Variants in CNPY1 observed in about 807,000 individuals in gnomAD.
CNPY1 encodes protein canopy homolog 1.
CNPY1 carries 14 observed loss-of-function variants against 14.4 expected under a neutral mutation model. That is an observed-to-expected ratio of 0.97 (90% CI 0.64 to 1.52). The LOEUF (loss-of-function observed/expected upper bound fraction) is 1.52. Ranked by LOEUF, CNPY1 falls within the 40% of genes most tolerant of loss-of-function variation. The pLI, the probability that CNPY1 is intolerant of heterozygous loss-of-function variation, is 0.00. For synonymous variants in CNPY1, 43 were observed against 46.5 expected (o/e 0.92, Z 0.31); for missense variants, 129 against 131.5 (o/e 0.98, Z 0.09).
intron 2 of CNPY1, among the ~76,000 whole-genome samples, chr7:155,515,651 G>C (rs569206634): frequency 6.6e-6 from 1 of 152,078 alleles, no homozygotes; most frequent in Non-Finnish European, 1.5e-5. Flanking sequence ...GGGATTTCTC[G>C]GAGGTGCATC....
At chr7:155,515,307 C>T (rs1476342377) in intron 2 of CNPY1, among the ~76,000 whole-genome samples, 1 of 125,162 alleles carries the variant, frequency 8.0e-6, no homozygotes, top group Non-Finnish European at 1.7e-5. Context: ...CCCCCCCCCC[C>T]CGGCCCCGGC....
At chr7:155,545,572 G>T (rs949720459) in intron 2 of CNPY1, among the ~76,000 whole-genome samples, 1 of 152,132 alleles carries the variant, frequency 6.6e-6, no homozygotes. Flanking sequence ...AACCACAGAC[G>T]CGCTATTTTT....
At chr7:155,507,816 C>G (rs965100830) in intron 3 of CNPY1, among the ~76,000 whole-genome samples, 1 of 152,130 alleles carries the variant, frequency 6.6e-6, no homozygotes, top group African/African-American at 2.4e-5. Flanking sequence ...TAAGGAACTA[C>G]CAGGTTATAC....
chr7:155,507,841 A>G (rs1423541499), intron 3 of CNPY1, among the ~76,000 whole-genome samples: 2 of 152,246 alleles, frequency 1.3e-5, no homozygotes, highest in Non-Finnish European at 2.9e-5. Context: ...GGGAGCTGTG[A>G]AGTTACCTAG....
At position 155,503,106 on chromosome 7, in the gene CNPY1, C is replaced by A. The variant is rs1163816721; in HGVS notation, c.401-1G>T. ...TGATTAGCAGAAGTTTCACACAGAT[C>A]TGGAAAAAAAAAAAAAAGTAGATAG... On this transcript the variant is annotated splice_acceptor_variant, in intron 4 of 4. Transcript: ENST00000636446. LOFTEE classifies it high-confidence loss of function. 5 of 1,545,708 alleles carry A rather than the reference C, an allele frequency of 3.2e-6. No homozygotes were observed. In the African/African-American group the frequency reaches 1.1e-4, roughly 35 times the overall value.
At position 155,507,126 on chromosome 7, in the gene CNPY1, C is replaced by T; in HGVS notation, c.304-10G>A. On this transcript the variant is annotated splice_polypyrimidine_tract_variant and intron_variant, in intron 3 of 4. Transcript: ENST00000636446. ...CTATTATAGTTTCACACTGTAGAAA[C>T]ATAATAACAACATATGTGGATAGAC... The T allele has an allele frequency of 1.3e-6, 2 of 1,534,686 alleles. No homozygotes were observed. Among genetic ancestry groups the T allele is most frequent in the Non-Finnish European group, 1.8e-6 (2 of 1,110,280 alleles).
intron 2 of CNPY1, chr7:155,533,734 G>A (rs753260708): frequency 6.6e-6 from 1 of 152,188 alleles, no homozygotes; most frequent in African/African-American, 2.4e-5. Context: ...TTACGGAGAG[G>A]AGAAAGATGT....
chr7:155,541,215 A>G (rs1211431522), intron 2 of CNPY1, among the ~76,000 whole-genome samples: 1 of 152,196 alleles, frequency 6.6e-6, no homozygotes, highest in African/African-American at 2.4e-5. Context: ...CGCTGTTCTG[A>G]AGACAGAGAC....
chr7:155,502,352 C>G lies in CNPY1; in HGVS notation c.*716G>C, dbSNP rs1430823447. On this transcript the variant is annotated 3_prime_UTR_variant, in exon 5 of 5. Transcript: ENST00000636446. ...CAGAAGAGTTTGGAGCGAAACAAAA[C>G]GCAATCACTAGTGTCATCTTTTAAC... is the stretch of plus-strand genomic sequence containing the variant. 2.0e-5 allele frequency: 3 copies of G among 151,968 alleles called. No homozygotes were observed. The highest frequency in any genetic ancestry group is 7.2e-5 in the African/African-American group (3 of 41,394). The allele number at this position is 151,968 out of a possible 1,614,324, so 9.4% of individuals were successfully genotyped here.
intron 2 of CNPY1, among the ~76,000 whole-genome samples, chr7:155,524,233 G>A (rs2116722778): frequency 6.6e-6 from 1 of 152,312 alleles, no homozygotes; most frequent in East Asian, 1.9e-4. Flanking sequence ...AGGTGGGGTG[G>A]TAAACTCAGG....
intron 2 of CNPY1, among the ~76,000 whole-genome samples, chr7:155,539,942 G>A (rs2116756932): frequency 6.6e-6 from 1 of 152,228 alleles, no homozygotes; most frequent in South Asian, 2.1e-4. Flanking sequence ...AAGGTGAGGG[G>A]TAGAACTGCA....
At chr7:155,507,364 G>A (rs1344972700) in intron 3 of CNPY1, among the ~76,000 whole-genome samples, 2 of 150,122 alleles carry the variant, frequency 1.3e-5, no homozygotes, top group African/African-American at 2.5e-5. Context: ...GGGAGCCTGA[G>A]GAAGGAACAT....
intron 2 of CNPY1, among the ~76,000 whole-genome samples, chr7:155,526,126 C>G (rs192846234): frequency 6.6e-6 from 1 of 152,256 alleles, no homozygotes; most frequent in African/African-American, 2.4e-5. Context: ...TATCAAAATA[C>G]TTTTGATGTT....
chr7:155,534,012 GA>G (rs1161090061), intron 2 of CNPY1: 3 of 152,618 alleles, frequency 2.0e-5, no homozygotes, highest in Non-Finnish European at 2.9e-5. Context: ...CGGAGGACTG[GA>G]AGCCCGGGGG....
intron 2 of CNPY1, among the ~76,000 whole-genome samples, chr7:155,527,104 G>A (rs1267311084): frequency 8.3e-6 from 1 of 120,088 alleles, no homozygotes; most frequent in South Asian, 2.5e-4. Context: ...CAGGCTGGAG[G>A]GCATTGGCAT....
At chr7:155,544,226 C>T (rs961306200) in intron 2 of CNPY1, among the ~76,000 whole-genome samples, 1 of 152,190 alleles carries the variant, frequency 6.6e-6, no homozygotes, top group East Asian at 1.9e-4. Context: ...TGGCCTGACT[C>T]CCCCCGCTCT....
rs1335398624 is a variant in CNPY1, at chr7:155,501,971, CAATATGGCA to C, written c.*1088_*1096del. ...ATGTGCTTTTTAAGCAACTAAGTAA[CAATATGGCA>C]AAGAGTTTTGGGTCGGGGGGGTTGG... On this transcript the variant is annotated 3_prime_UTR_variant, in exon 5 of 5. Coordinates refer to ENST00000636446, the MANE Select transcript of CNPY1 (RefSeq NM_001393663.1). 3 of 98,742 alleles carry C rather than the reference CAATATGGCA, an allele frequency of 3.0e-5. No individual in the cohort carries two copies. Among genetic ancestry groups the C allele is most frequent in the Admixed American group, 1.7e-4 (1 of 5,770 alleles). 6.1% of individuals were successfully genotyped at this position (98,742 alleles called of 1,614,324 possible).
At chr7:155,544,070 C>T (rs732351) in intron 2 of CNPY1, among the ~76,000 whole-genome samples, 20,405 of 152,126 alleles carry the variant, frequency 0.13, 2,874 homozygotes, top group African/African-American at 0.35. Flanking sequence ...ATTAGACACA[C>T]TGGAAAGGCT....
At chr7:155,538,411 T>G (rs977333984) in intron 2 of CNPY1, among the ~76,000 whole-genome samples, 14 of 152,192 alleles carry the variant, frequency 9.2e-5, no homozygotes, top group African/African-American at 3.4e-4. Flanking sequence ...CACTGTCTCC[T>G]GGGCTCTCCG....
Sources: allele counts gnomAD v4.1 joint callset (sites outside exome capture counted in the v4.1 genomes callset), GRCh38; gene constraint gnomAD v4.1.1; transcripts MANE v1.5; gene names NCBI Gene and HGNC (gene_info 2026-07-23, HGNC 2026-07-21).